SCUBE1: variants seen among roughly 807,000 people sequenced by gnomAD.
SCUBE1 encodes signal peptide, CUB and EGF-like domain-containing protein 1.
Under a neutral mutation model 124.4 loss-of-function variants are expected in SCUBE1, and 59 were observed. The ratio of observed to expected loss-of-function variants is 0.47; its 90% confidence interval spans 0.38 to 0.59. The LOEUF is 0.59. Among genes scored for constraint, SCUBE1 ranks in the 20% least tolerant of loss-of-function variants. SCUBE1 has a pLI of 0.00. For missense variants in SCUBE1, 1,150 were observed against 1,371.2 expected (o/e 0.84, Z 2.55); for synonymous variants, 545 against 550.9 (o/e 0.99, Z 0.15).
At chr22:43,289,970 C>T (rs1925295203) in intron 4 of SCUBE1, among the ~76,000 whole-genome samples, 1 of 152,184 alleles carries the variant, frequency 6.6e-6, no homozygotes, top group South Asian at 2.1e-4. Flanking sequence ...AAGCCTCCAG[C>T]GCCTCCTCCT....
chr22:43,257,104 G>T lies in SCUBE1; in HGVS notation c.727+1115C>A, dbSNP rs542177259. 2.2e-3 allele frequency among the ~76,000 whole-genome samples: 342 copies of T among 152,370 alleles called. 1 individual carries two copies. Among genetic ancestry groups the T allele is most frequent in the Non-Finnish European group, 3.5e-3 (241 of 68,034 alleles). On this transcript the variant is annotated intron_variant, in intron 6 of 21. Transcript: ENST00000360835. The stretch of plus-strand genomic sequence containing the variant: ...GAAGGGAGAGCCACCGCAGGCAGCA[G>T]AACCCATGATGACAGCCCCGGACTA...
intron 4 of SCUBE1, among the ~76,000 whole-genome samples, chr22:43,272,042 G>T (rs1034566902): frequency 6.6e-6 from 1 of 152,144 alleles, no homozygotes; most frequent in South Asian, 2.1e-4. Flanking sequence ...AGGGGTTCTA[G>T]CCCCTCCATT....
rs1921493164 is a variant in SCUBE1 at position 43,210,385 on chromosome 22, C to T, written c.2384-145G>A. The stretch of plus-strand genomic sequence containing the variant: ...CACACTAGCCCTCGGACCCTGAGCC[C>T]ATCCTCCTTGGGGACCCTGCCTGGG... On this transcript the variant is annotated intron_variant, in intron 18 of 21. Coordinates refer to ENST00000360835, the MANE Select transcript of SCUBE1 (RefSeq NM_173050.5). This position sits in a 1 kb window ranked among gnomAD's most constrained non-coding sequence, Gnocchi z 4.5. 1.5e-6 allele frequency: 1 copy of T among 672,722 alleles called. No homozygotes were observed. Among genetic ancestry groups the T allele is most frequent in the Non-Finnish European group, 2.3e-6 (1 of 434,428 alleles). 41.7% of individuals were successfully genotyped at this position (672,722 alleles called of 1,614,324 possible).
intron 3 of SCUBE1, among the ~76,000 whole-genome samples, chr22:43,315,648 C>T (rs1290400922): frequency 6.6e-6 from 1 of 151,668 alleles, no homozygotes; most frequent in Admixed American, 6.6e-5. Flanking sequence ...AAGGGTCTGC[C>T]CTCAGCTAAA....
At chr22:43,218,531 C>G in intron 14 of SCUBE1, 73 bp from the exon 15 acceptor site, 1 of 1,522,914 alleles carries the variant, frequency 6.6e-7, no homozygotes, top group Non-Finnish European at 9.0e-7. Flanking sequence ...GCTGAGGGCT[C>G]CCCCGTGCCA....
At chr22:43,327,478 T>C (rs531741206) in intron 2 of SCUBE1, among the ~76,000 whole-genome samples, 2 of 152,308 alleles carry the variant, frequency 1.3e-5, no homozygotes, top group East Asian at 3.9e-4. Context: ...AGTTTCTTTT[T>C]GGAGTAATGA....
chr22:43,232,037 G>A lies in SCUBE1; in HGVS notation c.845-162C>T, dbSNP rs1922576316. On this transcript the variant is annotated intron_variant, in intron 7 of 21. Transcript: ENST00000360835. ...GCTCCCCAGCTGTGCAGAGGGGTGG[G>A]GGCCCTGTCTCGCAGGGGTCAGGGT... The A allele has an allele frequency of 1.1e-5, 8 of 740,584 alleles. No homozygotes were observed. In the Admixed American group the frequency reaches 1.3e-4, roughly 12 times the overall value. The allele number at this position is 740,584 out of a possible 1,614,324, so 45.9% of individuals were successfully genotyped here.
intron 3 of SCUBE1, 92 bp downstream of exon 3, chr22:43,319,845 G>A (rs1255999551): frequency 1.3e-6 from 2 of 1,492,866 alleles, no homozygotes; most frequent in African/African-American, 2.8e-5. Flanking sequence ...GCCAAAGGAA[G>A]GAGAACCTTC....
intron 2 of SCUBE1, among the ~76,000 whole-genome samples, chr22:43,337,772 C>T (rs117323051): frequency 0.014 from 2,106 of 152,298 alleles, 29 homozygotes; most frequent in Non-Finnish European, 0.017. Flanking sequence ...CTGCATCGCC[C>T]ACAAAACTCT....
chr22:43,248,013 G>A (rs1447812150), intron 6 of SCUBE1, among the ~76,000 whole-genome samples: 1 of 152,238 alleles, frequency 6.6e-6, no homozygotes, highest in Non-Finnish European at 1.5e-5. Context: ...AAACCTAGGG[G>A]AGGATTAAGG....
intron 21 of SCUBE1, among the ~76,000 whole-genome samples, chr22:43,204,537 G>A (rs1373758381): frequency 6.6e-6 from 1 of 151,984 alleles, no homozygotes. Flanking sequence ...GACCTCAGGT[G>A]ATCCACCCAC....
intron 1 of SCUBE1, among the ~76,000 whole-genome samples, chr22:43,339,914 A>AC (rs1363128634): frequency 8.5e-4 from 10 of 11,794 alleles, no homozygotes; most frequent in Admixed American, 1.5e-3. Flanking sequence ...TCCTCATTCT[A>AC]CCCCCCCAAC....
intron 3 of SCUBE1, among the ~76,000 whole-genome samples, chr22:43,305,520 GA>G (rs1324402668): frequency 3.9e-5 from 6 of 152,178 alleles, no homozygotes; most frequent in African/African-American, 1.4e-4. Flanking sequence ...CCAGGTAGGG[GA>G]ATGGTGTGTG....
intron 6 of SCUBE1, among the ~76,000 whole-genome samples, chr22:43,257,782 C>CGTGGCT (rs1569508640): frequency 1.3e-5 from 2 of 152,232 alleles, no homozygotes; most frequent in Non-Finnish European, 2.9e-5. Flanking sequence ...CCATGACTAA[C>CGTGGCT]GTGGCTGTGT....
At chr22:43,222,297 C>T (rs1283466441) in intron 12 of SCUBE1, among the ~76,000 whole-genome samples, 1 of 152,190 alleles carries the variant, frequency 6.6e-6, no homozygotes, top group Admixed American at 6.5e-5. Context: ...AGCTCTGACT[C>T]GGGAGAACCT....
At position 43,211,998 on chromosome 22, in the gene SCUBE1, T is replaced by G. The variant is rs1921581003; in HGVS notation, c.2221+427A>C. Among the ~76,000 whole-genome samples, 1 of 149,980 alleles carries G rather than the reference T, an allele frequency of 6.7e-6. No homozygotes were observed. Among genetic ancestry groups the G allele is most frequent in the African/African-American group, 2.5e-5 (1 of 40,540 alleles). On this transcript the variant is annotated intron_variant, in intron 17 of 21. Transcript: ENST00000360835. The surrounding 1 kb of genome is among the most constrained non-coding windows in gnomAD (Gnocchi z 4.5). ...TGAGAATGGGGAGGATTTGGGGGAG[T>G]TGGTGAGTGAGGGAAGACGGGATGT... is the stretch of plus-strand genomic sequence containing the variant.
chr22:43,331,846 T>C (rs1358536902), intron 2 of SCUBE1, among the ~76,000 whole-genome samples: 1 of 152,084 alleles, frequency 6.6e-6, no homozygotes, highest in Non-Finnish European at 1.5e-5. Context: ...GAAAGGCCCA[T>C]GCCCCAGGGG....
rs575832625 is a variant in SCUBE1, at chr22:43,331,587, G to A, written c.220+7517C>T. On this transcript the variant is annotated intron_variant, in intron 2 of 21. Coordinates refer to ENST00000360835, the MANE Select transcript of SCUBE1 (RefSeq NM_173050.5). ...TGAGGGCGGTTTGCTCCTCGTTTGG[G>A]GCCTGGTCCTGATTATAAACGAGAG... is the stretch of plus-strand genomic sequence containing the variant. Among the ~76,000 whole-genome samples the A allele has an allele frequency of 8.5e-5, 13 of 152,256 alleles. No homozygotes were observed. In the East Asian group the frequency reaches 2.5e-3, roughly 29 times the overall value.
At chr22:43,230,314 G>T (rs1448463124) in intron 8 of SCUBE1, among the ~76,000 whole-genome samples, 3 of 152,174 alleles carry the variant, frequency 2.0e-5, no homozygotes, top group African/African-American at 7.2e-5. Context: ...CTTGTGTGGA[G>T]CCCAAGGGGG....
Sources: gnomAD v4.1 joint callset for allele counts (sites outside exome capture counted in the v4.1 genomes callset) on GRCh38, gnomAD v4.1.1 for gene constraint, Gnocchi (gnomAD v3.1) non-coding constraint, MANE v1.5 for transcripts, NCBI Gene and HGNC (gene_info 2026-07-23, HGNC 2026-07-21) for gene names.